The following CDK13 variants were observed in gnomAD, a reference collection of about 807,000 sequenced individuals.
The protein encoded by CDK13 is cyclin dependent kinase 13.
CDK13 carries 40 observed loss-of-function variants against 137.6 expected under a neutral mutation model. That is an observed-to-expected ratio of 0.29 (90% CI 0.23 to 0.38). CDK13 has a LOEUF of 0.38. CDK13 is among the 10% of genes least tolerant of loss of function. The probability of loss-of-function intolerance (pLI) is 1.00; values close to 1 mark genes in which losing one functional copy is unlikely to be tolerated. For synonymous variants in CDK13, 869 were observed against 760.1 expected, an observed-to-expected ratio of 1.14 and a Z score of -2.36; for missense variants, 1,704 against 1,951.8, an observed-to-expected ratio of 0.87 and a Z score of 2.39.
At chr7:39,955,319 C>G (rs958001353) in intron 1 of CDK13, among the ~76,000 whole-genome samples, 1 of 152,058 alleles carries the variant, frequency 6.6e-6, no homozygotes, top group Non-Finnish European at 1.5e-5. Context: ...AGGTTTTAAG[C>G]GATTTGTTCC....
At chr7:40,018,716 A>G (rs1270170430) in intron 5 of CDK13, among the ~76,000 whole-genome samples, 1 of 152,158 alleles carries the variant, frequency 6.6e-6, no homozygotes, top group Non-Finnish European at 1.5e-5. Flanking sequence ...TGGGTATGCA[A>G]ATACATTCAA....
At chr7:40,073,892 T>C (rs529120993) in intron 9 of CDK13, among the ~76,000 whole-genome samples, 275 of 150,868 alleles carry the variant, frequency 1.8e-3, no homozygotes, top group African/African-American at 6.2e-3. Flanking sequence ...GCCTGGCCTT[T>C]CTTTTTTTCC....
intron 1 of CDK13, among the ~76,000 whole-genome samples, chr7:39,961,824 C>T (rs1394155995): frequency 1.3e-5 from 2 of 151,820 alleles, no homozygotes; most frequent in South Asian, 2.1e-4. Flanking sequence ...GTGTGATGTT[C>T]CCCTTCCAGT....
At chr7:40,006,820 G>C (rs562412249) in intron 5 of CDK13, among the ~76,000 whole-genome samples, 1 of 152,254 alleles carries the variant, frequency 6.6e-6, no homozygotes, top group South Asian at 2.1e-4. Context: ...GCTGTATGAA[G>C]TAAAAACTCG....
chr7:40,098,881 C>T lies in CDK13; in HGVS notation c.*3901C>T, dbSNP rs1164441123. On this transcript the variant is annotated 3_prime_UTR_variant, in exon 14 of 14. Transcript: ENST00000181839. ...TTTAGAAAAAATAGAAAAATAAAAACATCTTCAAAATTTAGGAGCCTGAAG... is the reference window on the plus strand; with the variant it reads ...TTTAGAAAAAATAGAAAAATAAAAATATCTTCAAAATTTAGGAGCCTGAAG... The T allele has an allele frequency of 6.6e-6, 1 of 151,926 alleles. No individual in the cohort carries two copies. Among genetic ancestry groups the T allele is most frequent in the Non-Finnish European group, 1.5e-5 (1 of 67,938 alleles). 9.4% of individuals were successfully genotyped at this position (151,926 alleles called of 1,614,324 possible).
rs778814352 is a variant in CDK13, at chr7:40,021,106, T to TACACACACACACACACACAC, written c.2353+19076_2353+19077insCACACACACACACACACACA. Among the ~76,000 whole-genome samples, 105 of 65,350 alleles carry TACACACACACACACACACAC rather than the reference T, an allele frequency of 1.6e-3. 6 individuals carry two copies. The highest frequency in any genetic ancestry group is 4.1e-3 in the South Asian group (8 of 1,960). The allele number at this position is 65,350 out of a possible 152,430, so 42.9% of individuals were successfully genotyped here. On this transcript the variant is annotated intron_variant, in intron 5 of 13. Coordinates refer to ENST00000181839, the MANE Select transcript of CDK13 (RefSeq NM_003718.5). ...TTCCATCTCAGAGCAAACAAACGTA[T>TACACACACACACACACACAC]ATATATATATATATATACACACACA...
chr7:40,022,489 C>G (rs1228598157), intron 5 of CDK13, among the ~76,000 whole-genome samples: 2 of 151,952 alleles, frequency 1.3e-5, no homozygotes, highest in Non-Finnish European at 2.9e-5. Flanking sequence ...AATAAGATCC[C>G]TGAATACTTT....
chr7:39,953,518 A>G (rs900510306), intron 1 of CDK13, among the ~76,000 whole-genome samples: 7 of 152,092 alleles, frequency 4.6e-5, no homozygotes, highest in African/African-American at 1.7e-4. Context: ...AGTGGTATGT[A>G]TTTTTTATAT....
intron 5 of CDK13, among the ~76,000 whole-genome samples, chr7:40,035,418 A>G (rs961882826): frequency 6.6e-6 from 1 of 152,074 alleles, no homozygotes; most frequent in African/African-American, 2.4e-5. Context: ...GTGAAGCTTC[A>G]TCTGTATTTG....
At chr7:40,005,560 G>A (rs1784782116) in intron 5 of CDK13, among the ~76,000 whole-genome samples, 1 of 152,116 alleles carries the variant, frequency 6.6e-6, no homozygotes, top group African/African-American at 2.4e-5. Context: ...GCCGCCCAAA[G>A]TGCTTAGATT....
chr7:40,089,880 A>G (rs1242329112), intron 12 of CDK13, among the ~76,000 whole-genome samples: 1 of 152,188 alleles, frequency 6.6e-6, no homozygotes, highest in Non-Finnish European at 1.5e-5. Flanking sequence ...GTGGTTGAAG[A>G]TAAATATAGA....
chr7:40,098,061 TAAGTG>T lies in CDK13; in HGVS notation c.*3084_*3088del, dbSNP rs1421804948. On this transcript the variant is annotated 3_prime_UTR_variant, in exon 14 of 14. Transcript: ENST00000181839. ...CCCTCAGCTGTATCTAAATTGCACTTAAGTGAATGTAGGGCATGAAAATTTGAGTA... is the reference window on the plus strand; with the variant it reads ...CCCTCAGCTGTATCTAAATTGCACTTAATGTAGGGCATGAAAATTTGAGTA... The T allele has an allele frequency of 6.6e-6, 1 of 152,114 alleles. No individual in the cohort carries two copies. Among genetic ancestry groups the T allele is most frequent in the African/African-American group, 2.4e-5 (1 of 41,454 alleles). The allele number at this position is 152,114 out of a possible 1,614,324, so 9.4% of individuals were successfully genotyped here.
intron 1 of CDK13, among the ~76,000 whole-genome samples, chr7:39,960,401 G>A (rs1583908842): frequency 1.3e-5 from 2 of 151,754 alleles, no homozygotes; most frequent in Admixed American, 6.6e-5. Flanking sequence ...GACTACAGGC[G>A]CCCGTCACCA....
chr7:40,064,183 C>T (rs1421772469), intron 9 of CDK13, among the ~76,000 whole-genome samples: 1 of 149,880 alleles, frequency 6.7e-6, no homozygotes, highest in Non-Finnish European at 1.5e-5. Flanking sequence ...ACTTGGGAGG[C>T]TGAGGCAGGA....
Position 39,997,668 on chromosome 7 carries a change from T to C in CDK13, c.2042+4T>C. The C allele has an allele frequency of 2.5e-6, 4 of 1,609,586 alleles. No individual in the cohort carries two copies. The highest frequency in any genetic ancestry group is 1.1e-5 in the South Asian group (1 of 90,104). On this transcript the variant is annotated splice_donor_region_variant and intron_variant, in intron 3 of 13. Transcript: ENST00000181839. ...TACATAGTAAAAGGAGGCCTAAGTA[T>C]GTGCTTGCTTTCTACCTGCTCTTAA...
chr7:40,026,774 C>T (rs1785252298), intron 5 of CDK13, among the ~76,000 whole-genome samples: 1 of 152,050 alleles, frequency 6.6e-6, no homozygotes, highest in South Asian at 2.1e-4. Flanking sequence ...AATGAAAATA[C>T]TAGGAGAAAA....
chr7:39,958,296 A>G (rs987377902), intron 1 of CDK13, among the ~76,000 whole-genome samples: 4 of 152,220 alleles, frequency 2.6e-5, no homozygotes, highest in African/African-American at 4.8e-5. Context: ...TCCAAACTCA[A>G]TTTACCTAAC....
chr7:39,961,556 G>A (rs1226535158), intron 1 of CDK13, among the ~76,000 whole-genome samples: 3 of 151,354 alleles, frequency 2.0e-5, no homozygotes, highest in Admixed American at 6.6e-5. Context: ...ACTTCTATGA[G>A]TTTGAATTTT....
At chr7:40,019,715 A>G (rs1785073393) in intron 5 of CDK13, among the ~76,000 whole-genome samples, 1 of 152,202 alleles carries the variant, frequency 6.6e-6, no homozygotes, top group Non-Finnish European at 1.5e-5. Flanking sequence ...GGCACATGAA[A>G]TTAACCTTCA....
Sources: gnomAD v4.1 joint callset for allele counts (sites outside exome capture counted in the v4.1 genomes callset) on GRCh38, gnomAD v4.1.1 for gene constraint, MANE v1.5 for transcripts, NCBI Gene and HGNC (gene_info 2026-07-23, HGNC 2026-07-21) for gene names.